The following MEOX2 variants were observed in gnomAD, a reference collection of about 807,000 sequenced individuals.
The protein encoded by MEOX2 is homeobox protein MOX-2.
A neutral mutation model predicts 27.0 loss-of-function variants in MEOX2; 11 were observed. The ratio of observed to expected loss-of-function variants is 0.41; its 90% CI spans 0.26 to 0.68. The LOEUF (loss-of-function observed/expected upper bound fraction) is 0.68. Among genes scored for constraint, MEOX2 ranks in the 30% least tolerant of loss-of-function variants. MEOX2 has a pLI of 0.33. For synonymous variants in MEOX2, 189 were observed against 155.4 expected (o/e 1.22, Z -1.61); for missense variants, 436 against 385.4 (o/e 1.13, Z -1.10).
Position 15,686,482 on chromosome 7 carries a change from A to C in MEOX2, c.-80T>G. 7.8e-7 allele frequency: 1 copy of C among 1,285,936 alleles called. No homozygotes were observed. Among genetic ancestry groups the C allele is most frequent in the Non-Finnish European group, 1.0e-6 (1 of 963,398 alleles). The allele number at this position is 1,285,936 out of a possible 1,614,324, so 79.7% of individuals were successfully genotyped here. ...CCACCCTCTGTCACTTTTTCACTGG[A>C]AACCGTGTGATTTTTTTTTTAACCT... On this transcript the variant is annotated 5_prime_UTR_variant, in exon 1 of 3. Transcript: ENST00000262041.
At chr7:15,679,411 T>C (rs1248808499) in intron 1 of MEOX2, 1 of 152,116 alleles carries the variant, frequency 6.6e-6, no homozygotes, top group Non-Finnish European at 1.5e-5. Flanking sequence ...ATGTAGCCTA[T>C]GCAAGCTTTA....
At chr7:15,672,183 G>T (rs1338214290) in intron 1 of MEOX2, among the ~76,000 whole-genome samples, 1 of 151,686 alleles carries the variant, frequency 6.6e-6, no homozygotes, top group Non-Finnish European at 1.5e-5. Flanking sequence ...AACTATTTTC[G>T]CCATTATCCA....
intron 2 of MEOX2, among the ~76,000 whole-genome samples, chr7:15,616,957 T>A (rs2115353753): frequency 6.6e-6 from 1 of 152,156 alleles, no homozygotes; most frequent in East Asian, 1.9e-4. Context: ...CATTACACCC[T>A]TTACCATGTA....
chr7:15,622,059 G>A (rs1448526829), intron 2 of MEOX2, among the ~76,000 whole-genome samples: 1 of 152,210 alleles, frequency 6.6e-6, no homozygotes, highest in East Asian at 1.9e-4. Flanking sequence ...GGAGGTTGCA[G>A]TGAGCCGAGA....
intron 1 of MEOX2, among the ~76,000 whole-genome samples, chr7:15,637,226 A>G (rs967164133): frequency 3.3e-5 from 5 of 152,044 alleles, no homozygotes; most frequent in African/African-American, 1.2e-4. Context: ...ATGATACGGC[A>G]TTAAGTTTCT....
At chr7:15,637,544 G>GCA (rs763205606) in intron 1 of MEOX2, among the ~76,000 whole-genome samples, 5 of 150,560 alleles carry the variant, frequency 3.3e-5, no homozygotes, top group African/African-American at 4.9e-5. Context: ...ACACACACAC[G>GCA]CACACACACA....
At chr7:15,641,924 G>A (rs1040928721) in intron 1 of MEOX2, among the ~76,000 whole-genome samples, 22 of 152,004 alleles carry the variant, frequency 1.4e-4, no homozygotes, top group African/African-American at 2.7e-4. Context: ...GAAAAAAAAG[G>A]CTAAAAATGA....
At chr7:15,652,851 G>C (rs190888191) in intron 1 of MEOX2, among the ~76,000 whole-genome samples, 32 of 152,110 alleles carry the variant, frequency 2.1e-4, no homozygotes, top group Admixed American at 2.0e-3. Context: ...TGTTATGGAT[G>C]TACCACTGTT....
chr7:15,628,387 T>G lies in MEOX2; in HGVS notation c.518-1469A>C, dbSNP rs563008088. Reference sequence around the variant, plus strand: ...GGTCTAGTAGCAGCAGCAGCAGCAATAAGTTGCCTCAACACCTTGGCACAC... The same window carrying G: ...GGTCTAGTAGCAGCAGCAGCAGCAAGAAGTTGCCTCAACACCTTGGCACAC... On this transcript the variant is annotated intron_variant, in intron 1 of 2. Coordinates refer to ENST00000262041, the MANE Select transcript of MEOX2 (RefSeq NM_005924.5). Among the ~76,000 whole-genome samples, 3 of 152,166 alleles carry G rather than the reference T, an allele frequency of 2.0e-5. No homozygotes were observed. In the South Asian group the frequency reaches 6.2e-4, roughly 32 times the overall value.
At chr7:15,661,569 A>G (rs554345569) in intron 1 of MEOX2, among the ~76,000 whole-genome samples, 2 of 152,148 alleles carry the variant, frequency 1.3e-5, no homozygotes, top group African/African-American at 4.8e-5. Flanking sequence ...TGACTGAAGG[A>G]GTGGGGAGAT....
At chr7:15,661,351 G>T (rs1781913791) in intron 1 of MEOX2, among the ~76,000 whole-genome samples, 1 of 152,140 alleles carries the variant, frequency 6.6e-6, no homozygotes, top group South Asian at 2.1e-4. Context: ...GTTTAAGAGA[G>T]GGATATTCAA....
intron 2 of MEOX2, among the ~76,000 whole-genome samples, chr7:15,619,768 G>C (rs1038307593): frequency 6.6e-6 from 1 of 151,796 alleles, no homozygotes; most frequent in African/African-American, 2.4e-5. Flanking sequence ...CTTAAGGCCA[G>C]TTCAATAAAG....
At chr7:15,631,932 G>GTGTGTGTGTGTGT (rs371386224) in intron 1 of MEOX2, among the ~76,000 whole-genome samples, 3 of 149,934 alleles carry the variant, frequency 2.0e-5, no homozygotes, top group Non-Finnish European at 3.0e-5. Flanking sequence ...GTGTGTGTGT[G>GTGTGTGTGTGTGT]GAGAGAAAGA....
At chr7:15,613,325 A>G (rs748255349) in intron 2 of MEOX2, among the ~76,000 whole-genome samples, 6 of 151,640 alleles carry the variant, frequency 4.0e-5, no homozygotes, top group Non-Finnish European at 7.4e-5. Flanking sequence ...TTCTTTTTAA[A>G]AGCTTCATTG....
chr7:15,673,920 G>C (rs1453090107), intron 1 of MEOX2, among the ~76,000 whole-genome samples: 3 of 151,958 alleles, frequency 2.0e-5, no homozygotes, highest in African/African-American at 7.3e-5. Flanking sequence ...ATATTCCAAA[G>C]ACTAAGTGAA....
At chr7:15,663,099 G>T (rs919212921) in intron 1 of MEOX2, among the ~76,000 whole-genome samples, 5 of 152,080 alleles carry the variant, frequency 3.3e-5, no homozygotes, top group African/African-American at 1.2e-4. Context: ...GAACACTAGC[G>T]TCCCTACTGA....
At chr7:15,618,837 G>C (rs1037704359) in intron 2 of MEOX2, among the ~76,000 whole-genome samples, 2 of 151,678 alleles carry the variant, frequency 1.3e-5, no homozygotes, top group Non-Finnish European at 2.9e-5. Context: ...AAAATTATTA[G>C]TTCTGTGTGA....
chr7:15,634,874 T>G (rs1219165012), intron 1 of MEOX2, among the ~76,000 whole-genome samples: 2 of 151,976 alleles, frequency 1.3e-5, no homozygotes, highest in African/African-American at 2.4e-5. Context: ...CAGAGGATTA[T>G]CCACATGGAA....
Position 15,616,040 on chromosome 7 carries a change from G to A in MEOX2, c.691-3429C>T, listed in dbSNP as rs189066517. 2.2e-4 allele frequency among the ~76,000 whole-genome samples: 34 copies of A among 151,630 alleles called. 1 individual carries two copies. The East Asian group carries it at 3.7e-3, about 16-fold the overall frequency. On this transcript the variant is annotated intron_variant, in intron 2 of 2. Transcript: ENST00000262041. ...TTTTGTGTTGTTTTCTATGTCTATC[G>A]TTGAAATTTTACCATTTTATTTTTT...
Sources: allele counts gnomAD v4.1 joint callset (sites outside exome capture counted in the v4.1 genomes callset), GRCh38; gene constraint gnomAD v4.1.1; transcripts MANE v1.5; gene names NCBI Gene and HGNC (gene_info 2026-07-23, HGNC 2026-07-21).